PLCXD3: variants seen among roughly 807,000 people sequenced by gnomAD.
The protein encoded by PLCXD3 is PI-PLC X domain-containing protein 3.
In PLCXD3, 19 loss-of-function variants were observed where a neutral mutation model predicts 25.5. That is an observed-to-expected ratio of 0.75 (90% CI 0.52 to 1.09). PLCXD3 has a LOEUF of 1.09. Among genes scored for constraint, PLCXD3 ranks in the 50% least tolerant of loss-of-function variants. PLCXD3 has a pLI of 0.00. For synonymous variants in PLCXD3, 174 were observed against 137.6 expected (o/e 1.26, Z -1.85); for missense variants, 411 against 388.1 (o/e 1.06, Z -0.50).
chr5:41,334,305 A>C (rs1344537159), intron 2 of PLCXD3, among the ~76,000 whole-genome samples: 4 of 152,150 alleles, frequency 2.6e-5, no homozygotes, highest in Non-Finnish European at 4.4e-5. Flanking sequence ...CCTCACTGCC[A>C]ACACATACCC....
At chr5:41,370,586 G>A (rs1309442947) in intron 2 of PLCXD3, among the ~76,000 whole-genome samples, 2 of 152,100 alleles carry the variant, frequency 1.3e-5, no homozygotes, top group Non-Finnish European at 1.5e-5. Flanking sequence ...TGGGGGAGAG[G>A]ATTTGGCTTA....
At chr5:41,343,550 C>G (rs1227013669) in intron 2 of PLCXD3, among the ~76,000 whole-genome samples, 1 of 152,030 alleles carries the variant, frequency 6.6e-6, no homozygotes, top group East Asian at 1.9e-4. Context: ...TTTCTAACCC[C>G]AACAGGTGGT....
intron 2 of PLCXD3, among the ~76,000 whole-genome samples, chr5:41,355,069 A>G (rs1401810779): frequency 6.6e-6 from 1 of 152,104 alleles, no homozygotes; most frequent in East Asian, 1.9e-4. Context: ...ATAGACACAC[A>G]TCAAGCTTCC....
chr5:41,466,714 T>C (rs371811093), intron 1 of PLCXD3, among the ~76,000 whole-genome samples: 21 of 152,174 alleles, frequency 1.4e-4, no homozygotes, highest in African/African-American at 4.6e-4. Flanking sequence ...ACCAACTCCC[T>C]GCCTCCCTCA....
At chr5:41,318,991 A>G (rs1291707322) in intron 2 of PLCXD3, among the ~76,000 whole-genome samples, 1 of 152,242 alleles carries the variant, frequency 6.6e-6, no homozygotes, top group Non-Finnish European at 1.5e-5. Context: ...AATAAATTTC[A>G]AAACAAAAAC....
intron 1 of PLCXD3, among the ~76,000 whole-genome samples, chr5:41,466,801 T>C (rs775545747): frequency 3.3e-5 from 5 of 152,130 alleles, no homozygotes; most frequent in African/African-American, 7.2e-5. Context: ...AGTGAGACCA[T>C]GTGGTATTTG....
intron 1 of PLCXD3, among the ~76,000 whole-genome samples, chr5:41,479,514 T>TA (rs771095527): frequency 7.9e-5 from 12 of 152,040 alleles, no homozygotes; most frequent in East Asian, 7.7e-4. Flanking sequence ...TTTACCTTGA[T>TA]AAAAAAAACT....
intron 2 of PLCXD3, among the ~76,000 whole-genome samples, chr5:41,367,102 A>G (rs1291959651): frequency 1.3e-5 from 2 of 152,102 alleles, no homozygotes; most frequent in African/African-American, 4.8e-5. Context: ...ATGAACATAC[A>G]CATGCATGGA....
rs1745821040 is a variant in PLCXD3 at position 41,391,551 on chromosome 5, G to T, written c.104-9017C>A. ...AGAGTCCTTGGGCCCCAAGTAAACA[G>T]CAGTGATATCCGGGTACTACATCAA... On this transcript the variant is annotated intron_variant, in intron 1 of 2. Coordinates refer to ENST00000377801, the MANE Select transcript of PLCXD3 (RefSeq NM_001005473.3). Among the ~76,000 whole-genome samples the T allele has an allele frequency of 2.0e-5, 3 of 152,204 alleles. No homozygotes were observed. The South Asian group carries it at 6.2e-4, about 31-fold the overall frequency.
At chr5:41,321,019 T>C (rs1402358616) in intron 2 of PLCXD3, among the ~76,000 whole-genome samples, 1 of 152,178 alleles carries the variant, frequency 6.6e-6, no homozygotes, top group Non-Finnish European at 1.5e-5. Flanking sequence ...AGTAGAAGCT[T>C]TTCCTCTAAG....
intron 1 of PLCXD3, among the ~76,000 whole-genome samples, chr5:41,508,202 A>G (rs1340069893): frequency 2.0e-5 from 3 of 152,212 alleles, no homozygotes; most frequent in African/African-American, 7.2e-5. Flanking sequence ...CAATGTCATC[A>G]TCTTTATGTC....
chr5:41,508,659 T>C (rs1273638917), intron 1 of PLCXD3, among the ~76,000 whole-genome samples: 1 of 152,222 alleles, frequency 6.6e-6, no homozygotes, highest in Non-Finnish European at 1.5e-5. Context: ...TAAACAAACA[T>C]AGGCTTTTAA....
rs75195345 is a variant in PLCXD3, at chr5:41,324,142, T to C, written c.813-10372A>G. Among the ~76,000 whole-genome samples, 69 of 152,086 alleles carry C rather than the reference T, an allele frequency of 4.5e-4. No individual in the cohort carries two copies. In the East Asian group the frequency reaches 6.8e-3, roughly 15 times the overall value. On this transcript the variant is annotated intron_variant, in intron 2 of 2. Coordinates refer to ENST00000377801, the MANE Select transcript of PLCXD3 (RefSeq NM_001005473.3). ...GGGATGGGCAGGAAAATGGATTCCA[T>C]AGAAGGCAATCAGAAGTAGATGCAG...
intron 1 of PLCXD3, among the ~76,000 whole-genome samples, chr5:41,503,502 C>T (rs986070876): frequency 1.1e-4 from 17 of 152,082 alleles, no homozygotes; most frequent in Non-Finnish European, 2.1e-4. Context: ...GTTTCAGTAC[C>T]TGACCTCCGG....
intron 2 of PLCXD3, among the ~76,000 whole-genome samples, chr5:41,325,776 C>A (rs1371113515): frequency 6.6e-6 from 1 of 152,130 alleles, no homozygotes; most frequent in Non-Finnish European, 1.5e-5. Context: ...CTGTTTGGGG[C>A]TGCTATAACA....
intron 1 of PLCXD3, among the ~76,000 whole-genome samples, chr5:41,467,033 C>T (rs1184560828): frequency 6.6e-6 from 1 of 152,058 alleles, no homozygotes; most frequent in Non-Finnish European, 1.5e-5. Flanking sequence ...TGCAGACATT[C>T]CTTTGACATG....
intron 1 of PLCXD3, chr5:41,475,623 T>A (rs1748265958): frequency 1.9e-6 from 1 of 534,790 alleles, no homozygotes; most frequent in Non-Finnish European, 3.8e-6. Flanking sequence ...CAGGTCTCTG[T>A]TTGTCCCTGA....
chr5:41,503,970 T>C (rs1398081724), intron 1 of PLCXD3, among the ~76,000 whole-genome samples: 1 of 136,674 alleles, frequency 7.3e-6, no homozygotes, highest in East Asian at 2.1e-4. Context: ...TTAAAATGTG[T>C]GTGTGTGTGT....
chr5:41,359,303 C>A (rs1744708797), intron 2 of PLCXD3, among the ~76,000 whole-genome samples: 1 of 152,098 alleles, frequency 6.6e-6, no homozygotes, highest in African/African-American at 2.4e-5. Context: ...ACCAATTTTT[C>A]TTTGAATGTC....
Sources: gnomAD v4.1 joint callset for allele counts (sites outside exome capture counted in the v4.1 genomes callset) on GRCh38, gnomAD v4.1.1 for gene constraint, MANE v1.5 for transcripts, NCBI Gene and HGNC (gene_info 2026-07-23, HGNC 2026-07-21) for gene names.